D2HGDH: variants seen among roughly 807,000 people sequenced by gnomAD.
D2HGDH encodes the protein D-2-hydroxyglutarate dehydrogenase, also known as D-2-hydroxyglutarate dehydrogenase, mitochondrial.
D2HGDH carries 31 observed loss-of-function variants against 46.9 expected under a neutral mutation model. That is an observed-to-expected ratio of 0.66 (90% CI 0.50 to 0.89). The LOEUF is 0.89. Ranked by LOEUF, D2HGDH falls within the 40% of genes least tolerant of loss-of-function variation. The pLI is 0.00. For missense variants in D2HGDH, 698 were observed against 720.8 expected (o/e 0.97, Z 0.36); for synonymous variants, 364 against 332.6 (o/e 1.09, Z -1.03).
rs1268506317 is a variant in D2HGDH, at chr2:241,751,301, T to C, written c.1053T>C (p.Ala351=). The change falls in exon 8 of 10, where the codon GCT becomes GCC. Residue 351 remains alanine, a synonymous_variant. Coordinates refer to ENST00000321264, the MANE Select transcript of D2HGDH (RefSeq NM_152783.5). ...ETSGSNAGHD[A]EKLGHFLEHA... ...CAGGCTCCAACGCAGGCCATGACGC[T>C]GAGAAGCTGGGCCACTTCCTGGAGC... 3 of 1,613,764 alleles carry C rather than the reference T, an allele frequency of 1.9e-6. No homozygotes were observed. Among genetic ancestry groups the C allele is most frequent in the African/African-American group, 1.3e-5 (1 of 74,932 alleles).
intron 8 of D2HGDH, chr2:241,755,478 G>A (rs976962901): frequency 1.5e-6 from 2 of 1,325,526 alleles, no homozygotes; most frequent in African/African-American, 1.5e-5. Flanking sequence ...GAAGCTGCAG[G>A]TGGGCGCCTC....
intron 9 of D2HGDH, among the ~76,000 whole-genome samples, chr2:241,764,483 A>T (rs1699101779): frequency 6.6e-6 from 1 of 152,192 alleles, no homozygotes; most frequent in East Asian, 1.9e-4. Context: ...ATGTCACATG[A>T]CAGGACATGG....
chr2:241,763,616 T>C (rs1699024923), intron 9 of D2HGDH, among the ~76,000 whole-genome samples: 1 of 152,170 alleles, frequency 6.6e-6, no homozygotes, highest in African/African-American at 2.4e-5. Flanking sequence ...TGCTACAACA[T>C]GGTGACATCG....
intron 2 of D2HGDH, among the ~76,000 whole-genome samples, chr2:241,740,717 T>C (rs4073891): frequency 0.5 from 76,048 of 151,998 alleles, 20,811 homozygotes; most frequent in African/African-American, 0.74. Flanking sequence ...GAGGCCGCAG[T>C]GGGCGGATCA....
intron 2 of D2HGDH, among the ~76,000 whole-genome samples, 179 bp downstream of exon 2, chr2:241,735,695 A>G (rs1331523740): frequency 6.6e-6 from 1 of 152,242 alleles, no homozygotes; most frequent in Non-Finnish European, 1.5e-5. Flanking sequence ...CGAGTCGCTT[A>G]GAACAACCCA....
intron 8 of D2HGDH, chr2:241,754,958 G>C: frequency 8.4e-7 from 1 of 1,186,514 alleles, no homozygotes; most frequent in Non-Finnish European, 1.1e-6. Flanking sequence ...GGCAGGTGCT[G>C]GGCTTGAGCC....
chr2:241,754,888 C>T (rs1032183546), intron 8 of D2HGDH: 2 of 695,302 alleles, frequency 2.9e-6, no homozygotes, highest in African/African-American at 1.9e-5. Flanking sequence ...CAGGCGTGAG[C>T]CACTGCGCCC....
intron 6 of D2HGDH, 57 bp from the exon 7 acceptor site, chr2:241,750,094 C>T: frequency 1.2e-6 from 2 of 1,612,562 alleles, no homozygotes; most frequent in Admixed American, 1.7e-5. Flanking sequence ...TGAAGGGGGA[C>T]TTGGGTGGGC....
rs4075956 is a variant in D2HGDH at position 241,749,996 on chromosome 2, C to T, written c.854-155C>T. On this transcript the variant is annotated intron_variant, in intron 6 of 9. Transcript: ENST00000321264. ...CAGGCGTGCACCTGCCAGGCAAACC[C>T]TGGGCTGTTTGTTGCAGTGCCAGTC... The T allele has an allele frequency of 5.5e-4, 610 of 1,111,186 alleles. 2 individuals are homozygous for T. The African/African-American group carries it at 8.4e-3, about 15-fold the overall frequency. 68.8% of individuals were successfully genotyped at this position (1,111,186 alleles called of 1,614,324 possible).
At chr2:241,764,324 A>C (rs966113732) in intron 9 of D2HGDH, among the ~76,000 whole-genome samples, 10 of 152,362 alleles carry the variant, frequency 6.6e-5, no homozygotes, top group African/African-American at 2.4e-4. Flanking sequence ...CCCTGCAGCT[A>C]CAGACAGATT....
chr2:241,758,639 A>G (rs923518664), intron 9 of D2HGDH, among the ~76,000 whole-genome samples: 4 of 152,088 alleles, frequency 2.6e-5, no homozygotes, highest in African/African-American at 9.7e-5. Flanking sequence ...GGCCCGGTGC[A>G]GTGGTTCACG....
intron 6 of D2HGDH, among the ~76,000 whole-genome samples, chr2:241,746,760 C>G (rs531962960): frequency 6.6e-6 from 1 of 151,922 alleles, no homozygotes. Context: ...TGGTGGTGGA[C>G]GCCTGTAATC....
At chr2:241,754,005 A>C (rs1024513630) in intron 8 of D2HGDH, among the ~76,000 whole-genome samples, 1 of 152,114 alleles carries the variant, frequency 6.6e-6, no homozygotes, top group African/African-American at 2.4e-5. Flanking sequence ...TTCAGCAAAG[A>C]CGGGGTGTGG....
At chr2:241,756,333 C>T (rs757587558) in intron 9 of D2HGDH, among the ~76,000 whole-genome samples, 6 of 152,228 alleles carry the variant, frequency 3.9e-5, no homozygotes, top group East Asian at 1.9e-4. Context: ...CCCCGGAGTC[C>T]GGGATGCGGG....
At chr2:241,736,671 G>GT (rs60699346) in intron 2 of D2HGDH, among the ~76,000 whole-genome samples, 10,100 of 144,922 alleles carry the variant, frequency 0.07, 469 homozygotes, top group African/African-American at 0.12. Flanking sequence ...CCGTTTATCC[G>GT]TTTTTTTTTT....
chr2:241,749,501 C>T (rs1284404266), intron 6 of D2HGDH: 5 of 758,452 alleles, frequency 6.6e-6, no homozygotes, highest in South Asian at 5.5e-5. Context: ...GTCGGCTTCC[C>T]CAGGGCAGCG....
At chr2:241,741,288 G>A (rs771309365) in intron 3 of D2HGDH, among the ~76,000 whole-genome samples, 198 bp downstream of exon 3, 7 of 152,172 alleles carry the variant, frequency 4.6e-5, no homozygotes, top group Non-Finnish European at 8.8e-5. Flanking sequence ...CCCCCATTTG[G>A]CAATGCCCAT....
At chr2:241,736,383 A>G in intron 2 of D2HGDH, 1 of 152,192 alleles carries the variant, frequency 6.6e-6, no homozygotes, top group East Asian at 1.9e-4. Context: ...TTTGTTCTCT[A>G]AGCTCTGGAG....
At chr2:241,763,396 G>C (rs139163367) in intron 9 of D2HGDH, among the ~76,000 whole-genome samples, 1 of 152,246 alleles carries the variant, frequency 6.6e-6, no homozygotes, top group Non-Finnish European at 1.5e-5. Flanking sequence ...CCTAGAAAAG[G>C]GACCGTAAAA....
Sources: gnomAD v4.1 joint callset for allele counts (sites outside exome capture counted in the v4.1 genomes callset) on GRCh38, gnomAD v4.1.1 for gene constraint, MANE v1.5 for transcripts, NCBI Gene and HGNC (gene_info 2026-07-23, HGNC 2026-07-21) for gene names.